The following G3BP1 variants were observed in gnomAD, a reference collection of about 807,000 sequenced individuals.
The protein encoded by G3BP1 is G3BP stress granule assembly factor 1, also known as ras GTPase-activating protein-binding protein 1.
G3BP1 carries 35 observed loss-of-function variants against 58.6 expected under a neutral mutation model. That is an observed-to-expected ratio of 0.60 (90% CI 0.46 to 0.79). The LOEUF is 0.79. G3BP1 is among the 30% of genes least tolerant of loss of function. The probability of loss-of-function intolerance (pLI) is 0.00; values close to 1 mark genes in which losing one functional copy is unlikely to be tolerated. For synonymous variants in G3BP1, 191 were observed against 195.4 expected (o/e 0.98, Z 0.19); for missense variants, 523 against 580.8 (o/e 0.90, Z 1.02).
intron 1 of G3BP1, among the ~76,000 whole-genome samples, chr5:151,777,391 C>T (rs559797759): frequency 4.6e-5 from 7 of 152,144 alleles, no homozygotes; most frequent in South Asian, 2.1e-4. Context: ...TAAATACTAT[C>T]GTACTCAGAA....
intron 1 of G3BP1, among the ~76,000 whole-genome samples, chr5:151,773,962 A>T (rs1762321280): frequency 6.6e-6 from 1 of 152,202 alleles, no homozygotes; most frequent in South Asian, 2.1e-4. Flanking sequence ...TTAAAATATT[A>T]AAAAAATACA....
At chr5:151,776,818 T>C (rs1181286742) in intron 1 of G3BP1, among the ~76,000 whole-genome samples, 1 of 151,850 alleles carries the variant, frequency 6.6e-6, no homozygotes, top group Non-Finnish European at 1.5e-5. Flanking sequence ...CCTCTTGTCT[T>C]GGCCTCTCAA....
At chr5:151,793,308 C>T (rs1336948126) in intron 4 of G3BP1, among the ~76,000 whole-genome samples, 4 of 151,998 alleles carry the variant, frequency 2.6e-5, no homozygotes. Context: ...GGGGTTTCAC[C>T]ATATTGGCCA....
intron 1 of G3BP1, among the ~76,000 whole-genome samples, chr5:151,783,629 G>A (rs890189112): frequency 6.6e-6 from 1 of 151,756 alleles, no homozygotes; most frequent in African/African-American, 2.4e-5. Context: ...GGCCTCAAGT[G>A]ATCTGTCCCT....
Position 151,794,008 on chromosome 5 carries a change from C to G in G3BP1, c.352-151C>G, listed in dbSNP as rs891830816. The G allele has an allele frequency of 6.9e-6, 4 of 580,000 alleles. No individual in the cohort carries two copies. The African/African-American group carries it at 7.5e-5, about 11-fold the overall frequency. The allele number at this position is 580,000 out of a possible 1,614,324, so 35.9% of individuals were successfully genotyped here. ...CACCTGGCTGACAGCAAGACCCTGTCTCAGAACCCCACAACAACAAAAACT... is the reference window on the plus strand; with the variant it reads ...CACCTGGCTGACAGCAAGACCCTGTGTCAGAACCCCACAACAACAAAAACT... On this transcript the variant is annotated intron_variant, in intron 4 of 11. Coordinates refer to ENST00000356245, the MANE Select transcript of G3BP1 (RefSeq NM_005754.3).
intron 2 of G3BP1, chr5:151,787,146 A>G (rs1762567427): frequency 6.6e-6 from 1 of 152,498 alleles, no homozygotes; most frequent in South Asian, 2.1e-4. Flanking sequence ...GGCGTGAGCC[A>G]CTGCGCCTAG....
intron 2 of G3BP1, 150 bp downstream of exon 2, chr5:151,786,865 C>T (rs532074840): frequency 6.8e-6 from 4 of 588,472 alleles, no homozygotes; most frequent in South Asian, 5.8e-5. Flanking sequence ...TTATTTGAGA[C>T]AGAGTCTCGC....
intron 11 of G3BP1, among the ~76,000 whole-genome samples, chr5:151,802,364 T>C (rs1022688352): frequency 1.3e-5 from 2 of 152,216 alleles, no homozygotes; most frequent in Non-Finnish European, 1.5e-5. Context: ...TTTCATGGTA[T>C]TGATAGAAGT....
At chr5:151,789,167 G>T (rs1473993195) in intron 2 of G3BP1, among the ~76,000 whole-genome samples, 1 of 152,132 alleles carries the variant, frequency 6.6e-6, no homozygotes. Flanking sequence ...CATAGGCCAG[G>T]CATGGTGGCT....
intron 4 of G3BP1, 27 bp downstream of exon 4, chr5:151,791,089 G>C (rs778596413): frequency 1.3e-6 from 2 of 1,550,858 alleles, no homozygotes; most frequent in East Asian, 2.2e-5. Flanking sequence ...TTATTTTGTA[G>C]TGATCCAATA....
rs184282026 is a variant in G3BP1 at position 151,782,918 on chromosome 5, C to T, written c.-49-3654C>T. The stretch of plus-strand genomic sequence containing the variant: ...TGTCGCCCAGGCTGGAGTGCAGTGG[C>T]GTGATCTCGGCTCACTGCAACCTCC... On this transcript the variant is annotated intron_variant, in intron 1 of 11. Transcript: ENST00000356245. Among the ~76,000 whole-genome samples the T allele has an allele frequency of 1.3e-3, 164 of 129,820 alleles. No individual in the cohort carries two copies. The Middle Eastern group carries it at 0.016, about 13-fold the overall frequency. 85.2% of individuals were successfully genotyped at this position (129,820 alleles called of 152,430 possible). A position where few individuals can be genotyped will look rare whatever the true frequency, so the allele number is the denominator to read the frequency against.
chr5:151,811,064 C>T lies in G3BP1; in HGVS notation c.*6973C>T, dbSNP rs1763011364. On this transcript the variant is annotated 3_prime_UTR_variant, in exon 12 of 12. Transcript: ENST00000356245. ...GTCATCTGCTTCCATTTTTGTTATT[C>T]CCCACATCCAGTCTTCAGCTAAGTC... 1 of 152,198 alleles carries T rather than the reference C, an allele frequency of 6.6e-6. No homozygotes were observed. The highest frequency in any genetic ancestry group is 1.5e-5 in the Non-Finnish European group (1 of 68,030). The allele number at this position is 152,198 out of a possible 1,614,324, so 9.4% of individuals were successfully genotyped here. A position where few individuals can be genotyped will look rare whatever the true frequency, so the allele number is the denominator to read the frequency against.
intron 1 of G3BP1, among the ~76,000 whole-genome samples, chr5:151,775,394 A>G (rs1243605250): frequency 6.6e-6 from 1 of 152,236 alleles, no homozygotes; most frequent in African/African-American, 2.4e-5. Flanking sequence ...CTTTGGTATT[A>G]CCATACTTTT....
chr5:151,796,311 C>G (rs1427408005), intron 6 of G3BP1, among the ~76,000 whole-genome samples: 1 of 152,196 alleles, frequency 6.6e-6, no homozygotes, highest in Non-Finnish European at 1.5e-5. Context: ...CTCTGTTACC[C>G]AGGCTGGAGT....
intron 11 of G3BP1, among the ~76,000 whole-genome samples, chr5:151,801,846 T>A (rs2964566): frequency 0.68 from 102,729 of 151,208 alleles, 36,087 homozygotes; most frequent in East Asian, 1. Context: ...ACAGTGTCTC[T>A]CTCTGCCACC....
At chr5:151,791,145 C>G (rs1762646056) in intron 4 of G3BP1, 83 bp downstream of exon 4, 2 of 1,180,580 alleles carry the variant, frequency 1.7e-6, no homozygotes, top group African/African-American at 3.0e-5. Context: ...TTTAAAAACA[C>G]TTGAAATTTC....
intron 2 of G3BP1, among the ~76,000 whole-genome samples, chr5:151,788,655 G>T (rs1762595863): frequency 6.7e-6 from 1 of 148,540 alleles, no homozygotes; most frequent in African/African-American, 2.5e-5. Context: ...GTCTCGCTCT[G>T]TCACCGAGCC....
Position 151,807,240 on chromosome 5 carries a change from G to A in G3BP1, c.*3149G>A, listed in dbSNP as rs1463360412. Reference sequence around the variant, plus strand: ...TGCGGGTTAGGTGATATTGTCCTCAGCACAATAGATGAGGAAGAAACTGAA... The same window carrying A: ...TGCGGGTTAGGTGATATTGTCCTCAACACAATAGATGAGGAAGAAACTGAA... On this transcript the variant is annotated 3_prime_UTR_variant, in exon 12 of 12. Coordinates refer to ENST00000356245, the MANE Select transcript of G3BP1 (RefSeq NM_005754.3). 4.6e-5 allele frequency: 7 copies of A among 152,174 alleles called. No homozygotes were observed. Among genetic ancestry groups the A allele is most frequent in the Non-Finnish European group, 7.3e-5 (5 of 68,030 alleles). The allele number at this position is 152,174 out of a possible 1,614,324, so 9.4% of individuals were successfully genotyped here.
chr5:151,788,786 T>A (rs1332342716), intron 2 of G3BP1, among the ~76,000 whole-genome samples: 1 of 151,464 alleles, frequency 6.6e-6, no homozygotes, highest in African/African-American at 2.4e-5. Flanking sequence ...CTGGCTCTTT[T>A]TTTTTCTGGA....
Sources: gnomAD v4.1 joint callset for allele counts (sites outside exome capture counted in the v4.1 genomes callset) on GRCh38, gnomAD v4.1.1 for gene constraint, MANE v1.5 for transcripts, NCBI Gene and HGNC (gene_info 2026-07-23, HGNC 2026-07-21) for gene names.